Variants in ANKS1B observed in about 807,000 individuals in gnomAD.
ANKS1B encodes ankyrin repeat and sterile alpha motif domain-containing protein 1B.
Under a neutral mutation model 148.3 loss-of-function variants are expected in ANKS1B, and 36 were observed. The ratio of observed to expected loss-of-function variants is 0.24; its 90% CI spans 0.19 to 0.32. ANKS1B has a LOEUF of 0.32. ANKS1B is among the 10% of genes least tolerant of loss of function. The pLI, the probability that ANKS1B is intolerant of heterozygous loss-of-function variation, is 1.00. For missense variants in ANKS1B, 1,157 were observed against 1,542.6 expected, an observed-to-expected ratio of 0.75 and a Z score of 4.19; for synonymous variants, 542 against 560.8, an observed-to-expected ratio of 0.97 and a Z score of 0.47.
At chr12:99,445,271 A>G (rs2095618089) in intron 10 of ANKS1B, among the ~76,000 whole-genome samples, 1 of 151,986 alleles carries the variant, frequency 6.6e-6, no homozygotes, top group Admixed American at 6.6e-5. Context: ...ATGTAAGAAC[A>G]CTTATTTGGG....
At chr12:99,208,748 A>G (rs763334985) in intron 14 of ANKS1B, among the ~76,000 whole-genome samples, 2 of 152,210 alleles carry the variant, frequency 1.3e-5, no homozygotes, top group Non-Finnish European at 2.9e-5. Flanking sequence ...TGAAAAACTG[A>G]TGAAGAAGAG....
chr12:99,029,991 G>C (rs2099950996), intron 17 of ANKS1B, among the ~76,000 whole-genome samples: 1 of 152,254 alleles, frequency 6.6e-6, no homozygotes, highest in African/African-American at 2.4e-5. Flanking sequence ...CTTCAGGAAA[G>C]TAGAGGGAAT....
chr12:99,181,658 A>AT (rs2079124952), intron 14 of ANKS1B, among the ~76,000 whole-genome samples: 1 of 151,780 alleles, frequency 6.6e-6, no homozygotes, highest in Non-Finnish European at 1.5e-5. Flanking sequence ...CTTATTTTTT[A>AT]TTTTTTTGTG....
At chr12:98,837,844 A>G (rs775115097) in intron 17 of ANKS1B, among the ~76,000 whole-genome samples, 25 of 152,208 alleles carry the variant, frequency 1.6e-4, no homozygotes, top group Non-Finnish European at 3.5e-4. Context: ...GATGTAAATG[A>G]AGCATTTTTA....
chr12:99,115,840 G>A (rs188992062), intron 15 of ANKS1B, among the ~76,000 whole-genome samples: 1,897 of 150,420 alleles, frequency 0.013, 31 homozygotes, highest in Non-Finnish European at 0.017. Flanking sequence ...GCTGAGGCAG[G>A]AGAATCACTT....
chr12:99,215,341 G>T (rs1275911954), intron 14 of ANKS1B, among the ~76,000 whole-genome samples: 1 of 152,228 alleles, frequency 6.6e-6, no homozygotes, highest in Non-Finnish European at 1.5e-5. Context: ...GAAGGGAAAT[G>T]TGGGGTCAGA....
intron 1 of ANKS1B, among the ~76,000 whole-genome samples, chr12:99,955,654 G>A (rs2095311507): frequency 6.6e-6 from 1 of 152,062 alleles, no homozygotes; most frequent in South Asian, 2.1e-4. Flanking sequence ...TATGGTTGCT[G>A]GAGGAAAACA....
chr12:99,684,945 TAA>T (rs2098641301), intron 8 of ANKS1B, among the ~76,000 whole-genome samples: 1 of 152,236 alleles, frequency 6.6e-6, no homozygotes, highest in African/African-American at 2.4e-5. Flanking sequence ...ATCAAAGACT[TAA>T]ATCTAACACC....
chr12:99,932,099 G>C (rs1202308499), intron 1 of ANKS1B, among the ~76,000 whole-genome samples: 6 of 152,084 alleles, frequency 3.9e-5, no homozygotes, highest in Non-Finnish European at 5.9e-5. Flanking sequence ...CAAATTACAG[G>C]ATCTCATTAT....
At chr12:99,880,432 G>C (rs1361481987) in intron 1 of ANKS1B, among the ~76,000 whole-genome samples, 1 of 152,164 alleles carries the variant, frequency 6.6e-6, no homozygotes, top group Non-Finnish European at 1.5e-5. Context: ...CCCAAGGATA[G>C]CATCATTCAA....
chr12:99,421,617 G>T (rs1368141157), intron 11 of ANKS1B, among the ~76,000 whole-genome samples: 1 of 152,134 alleles, frequency 6.6e-6, no homozygotes, highest in Non-Finnish European at 1.5e-5. Flanking sequence ...GAGCCCCTGT[G>T]GTGACTTGTT....
intron 14 of ANKS1B, among the ~76,000 whole-genome samples, chr12:99,223,753 C>T (rs920225672): frequency 1.3e-5 from 2 of 152,192 alleles, no homozygotes; most frequent in African/African-American, 4.8e-5. Context: ...GCTGGCCTGT[C>T]TGCCTTCAGG....
At chr12:99,455,356 G>C (rs1009351051) in intron 10 of ANKS1B, among the ~76,000 whole-genome samples, 18 of 152,298 alleles carry the variant, frequency 1.2e-4, no homozygotes, top group South Asian at 8.3e-4. Context: ...CAGATGGACA[G>C]AGCAGCATGT....
intron 17 of ANKS1B, among the ~76,000 whole-genome samples, chr12:98,920,666 A>G (rs1396502336): frequency 6.6e-6 from 1 of 152,210 alleles, no homozygotes; most frequent in Non-Finnish European, 1.5e-5. Flanking sequence ...GGAATTCAAG[A>G]TGAGATTTGG....
chr12:99,591,767 T>C (rs537362720), intron 9 of ANKS1B, among the ~76,000 whole-genome samples: 9 of 152,238 alleles, frequency 5.9e-5, no homozygotes, highest in Non-Finnish European at 1.2e-4. Flanking sequence ...GGGGCTCTCT[T>C]CGAGAAAGAG....
intron 25 of ANKS1B, among the ~76,000 whole-genome samples, chr12:98,769,853 G>T (rs2098544425): frequency 6.6e-6 from 1 of 152,200 alleles, no homozygotes; most frequent in Non-Finnish European, 1.5e-5. Context: ...TATTCATGTT[G>T]ATGTTCAATG....
At chr12:99,066,914 T>C (rs2044552482) in intron 16 of ANKS1B, among the ~76,000 whole-genome samples, 1 of 152,122 alleles carries the variant, frequency 6.6e-6, no homozygotes, top group Non-Finnish European at 1.5e-5. Context: ...TGTGGGAACA[T>C]ATGGGTGACT....
At chr12:99,457,010 A>T (rs577745946) in intron 10 of ANKS1B, among the ~76,000 whole-genome samples, 1 of 152,308 alleles carries the variant, frequency 6.6e-6, no homozygotes, top group African/African-American at 2.4e-5. Context: ...GCTGTGAGGC[A>T]AAAGCATCAG....
At chr12:99,527,199 T>C (rs560577988) in intron 9 of ANKS1B, among the ~76,000 whole-genome samples, 28 of 152,004 alleles carry the variant, frequency 1.8e-4, no homozygotes, top group Middle Eastern at 3.4e-3. Context: ...CAAGCCAATA[T>C]AGAGTTAAAA....
Sources: allele counts gnomAD v4.1 joint callset (sites outside exome capture counted in the v4.1 genomes callset), GRCh38; gene constraint gnomAD v4.1.1; transcripts MANE v1.5; gene names NCBI Gene and HGNC (gene_info 2026-07-23, HGNC 2026-07-21).